Variants in GCKR observed in about 807,000 individuals in gnomAD.
GCKR encodes glucokinase regulator, also known as glucokinase regulatory protein.
A neutral mutation model predicts 82.9 loss-of-function variants in GCKR; 73 were observed. That is an observed-to-expected ratio of 0.88 (90% CI 0.73 to 1.07). GCKR has a LOEUF of 1.07. GCKR is among the 50% of genes least tolerant of loss of function. The probability of loss-of-function intolerance (pLI) is 0.00; values close to 1 mark genes in which losing one functional copy is unlikely to be tolerated. For missense variants in GCKR, 784 were observed against 782.1 expected (o/e 1.00, Z -0.03); for synonymous variants, 294 against 291.8 (o/e 1.01, Z -0.08).
intron 8 of GCKR, 28 bp downstream of exon 8, chr2:27,501,257 C>T (rs201611045): frequency 3.3e-4 from 474 of 1,453,982 alleles, no homozygotes; most frequent in Non-Finnish European, 4.3e-4. Context: ...ACTGGGCAGC[C>T]CTGGGGCAGG....
chr2:27,501,499 G>A (rs1301185214), intron 8 of GCKR, among the ~76,000 whole-genome samples: 1 of 152,214 alleles, frequency 6.6e-6, no homozygotes, highest in African/African-American at 2.4e-5. Context: ...GGATTGAAGA[G>A]GCAAGAGAAA....
At chr2:27,502,525 C>G (rs1051278959) in intron 8 of GCKR, among the ~76,000 whole-genome samples, 4 of 152,190 alleles carry the variant, frequency 2.6e-5, no homozygotes, top group African/African-American at 9.6e-5. Flanking sequence ...AACAAAACTC[C>G]CCAGATGATT....
rs1309712817 is a variant in GCKR, at chr2:27,497,318, T to C, written c.135T>C (p.Asp45=). 2 of 1,614,180 alleles carry C rather than the reference T, an allele frequency of 1.2e-6. No individual in the cohort carries two copies. Among genetic ancestry groups the C allele is most frequent in the East Asian group, 4.5e-5 (2 of 44,876 alleles). ...TGACCCAGGATCTAGACAAAGCAGATGCTGAGAACATTGTTCGACTGCTAG... is the reference window on the plus strand; with the variant it reads ...TGACCCAGGATCTAGACAAAGCAGACGCTGAGAACATTGTTCGACTGCTAG... ...NPLTQDLDKA[D]AENIVRLLGQ... The change falls in exon 2 of 19, where the codon GAT becomes GAC. Residue 45 remains aspartate (D), a synonymous_variant. Transcript: ENST00000264717.
chr2:27,519,527 C>T (rs961060279), intron 17 of GCKR, among the ~76,000 whole-genome samples: 3 of 152,128 alleles, frequency 2.0e-5, no homozygotes, highest in African/African-American at 7.2e-5. Flanking sequence ...GTCTCGAACT[C>T]CTGACCTCAG....
chr2:27,521,727 AT>A (rs968921484), intron 17 of GCKR, among the ~76,000 whole-genome samples: 5 of 148,932 alleles, frequency 3.4e-5, no homozygotes, highest in Admixed American at 1.3e-4. Flanking sequence ...CTTTATTTTT[AT>A]TTTTTTTAGA....
At position 27,507,737 on chromosome 2, in the gene GCKR, C is replaced by T. The variant is rs748624336; in HGVS notation, c.1200C>T (p.Leu400=). The change falls in exon 14 of 19, where the codon CTC becomes CTT. Residue 400 remains leucine, a synonymous_variant. Transcript: ENST00000264717. The part of the protein sequence containing the change: ...EDFLTSILPS[L]TEIDTVVFIF... ...TCCTGACTTCCATCCTTCCCTCTCT[C>T]ACGGAAATCGATACTGTGGTCTTCA... The T allele has an allele frequency of 4.1e-5, 66 of 1,609,198 alleles. No individual in the cohort carries two copies. In the South Asian group the frequency reaches 6.2e-4, roughly 15 times the overall value.
intron 4 of GCKR, 47 bp from the exon 5 acceptor site, chr2:27,498,677 G>T (rs1195140899): frequency 3.5e-6 from 4 of 1,158,806 alleles, no homozygotes; most frequent in African/African-American, 1.5e-5. Context: ...CAAGATAATT[G>T]TTTCTTCTCT....
chr2:27,505,681 C>T (rs758034019), intron 9 of GCKR, 37 bp from the exon 10 acceptor site: 2 of 1,137,320 alleles, frequency 1.8e-6, no homozygotes, highest in Non-Finnish European at 2.7e-6. Flanking sequence ...GGTCTTCATC[C>T]TCTCCCAATT....
At chr2:27,519,016 T>G (rs1670084860) in intron 17 of GCKR, 79 bp downstream of exon 17, 2 of 1,303,862 alleles carry the variant, frequency 1.5e-6, no homozygotes, top group Non-Finnish European at 2.2e-6. Context: ...TTTGTAGAGA[T>G]ATGGAAATGT....
At chr2:27,507,817 G>A (rs756575809) in intron 14 of GCKR, 40 bp downstream of exon 14, 3 of 1,274,656 alleles carry the variant, frequency 2.4e-6, no homozygotes, top group South Asian at 1.2e-5. Context: ...TGGGGAGGGG[G>A]AAATAGAATG....
intron 7 of GCKR, among the ~76,000 whole-genome samples, 169 bp from the exon 8 acceptor site, chr2:27,500,966 A>T (rs1452186860): frequency 1.3e-5 from 2 of 152,242 alleles, no homozygotes; most frequent in Non-Finnish European, 2.9e-5. Context: ...CCCTTGAGGT[A>T]CTTGTTAAAA....
Position 27,523,608 on chromosome 2 carries a change from G to A in GCKR, c.*169G>A. 3.0e-6 allele frequency: 2 copies of A among 660,934 alleles called. No individual in the cohort carries two copies. The highest frequency in any genetic ancestry group is 4.0e-4 in the Middle Eastern group (1 of 2,472). 40.9% of individuals were successfully genotyped at this position (660,934 alleles called of 1,614,324 possible). A position where few individuals can be genotyped will look rare whatever the true frequency, so the allele number is the denominator to read the frequency against. On this transcript the variant is annotated 3_prime_UTR_variant, in exon 19 of 19. Coordinates refer to ENST00000264717, the MANE Select transcript of GCKR (RefSeq NM_001486.4). ...CTCTCCACTTTGGGGGAGAGTTCTT[G>A]CTCTCGACCTAGTGGTTTCTACTCT... is the stretch of plus-strand genomic sequence containing the variant.
chr2:27,507,538 G>T, intron 13 of GCKR, 143 bp from the exon 14 acceptor site: 1 of 695,146 alleles, frequency 1.4e-6, no homozygotes. Flanking sequence ...CATAATCTTG[G>T]GCAAAACACT....
Position 27,506,494 on chromosome 2 carries a change from A to G in GCKR, c.883A>G (p.Ile295Val). ...IAASQRCLLEILRTFERAHQV... is the reference protein window; with the variant it reads ...IAASQRCLLEVLRTFERAHQV... ...CTTTTCTCCCAGATGCCTCCTGGAA[A>G]TCTTGCGGACATTTGAGCGAGCTCA... Residue 295 changes from isoleucine (I) to valine (V), a missense_variant, in exon 11 of 19, where the codon ATC becomes GTC. Transcript: ENST00000264717. 6.2e-7 allele frequency: 1 copy of G among 1,613,630 alleles called. No homozygotes were observed. Among genetic ancestry groups the G allele is most frequent in the Non-Finnish European group, 8.5e-7 (1 of 1,179,566 alleles).
At chr2:27,501,915 A>G (rs1174360493) in intron 8 of GCKR, 6 of 345,442 alleles carry the variant, frequency 1.7e-5, no homozygotes, top group Non-Finnish European at 2.9e-5. Flanking sequence ...CTTGTGTAAG[A>G]GGTCTGATTT....
chr2:27,506,553 C>A lies in GCKR; in HGVS notation c.942C>A (p.Ala314=). The A allele has an allele frequency of 6.2e-7, 1 of 1,612,600 alleles. No homozygotes were observed. The highest frequency in any genetic ancestry group is 8.5e-7 in the Non-Finnish European group (1 of 1,178,632). Residue 314 remains alanine, a synonymous_variant, in exon 11 of 19, where the codon GCC becomes GCA. Coordinates refer to ENST00000264717, the MANE Select transcript of GCKR (RefSeq NM_001486.4). ...QVTYSQSPKI[A]TLMKSVSTSL... is the part of the protein sequence containing the mutation. ...CCTACAGCCAAAGCCCCAAGATTGCCACCCTGATGAAGAGTGTCAGCACCA... is the reference window on the plus strand; with the variant it reads ...CCTACAGCCAAAGCCCCAAGATTGCAACCCTGATGAAGAGTGTCAGCACCA...
intron 16 of GCKR, 150 bp from the exon 17 acceptor site, chr2:27,518,638 T>C: frequency 1.4e-6 from 1 of 739,898 alleles, no homozygotes; most frequent in Non-Finnish European, 2.4e-6. Context: ...TGCCCTAACA[T>C]TTAAACGCTG....
intron 16 of GCKR, among the ~76,000 whole-genome samples, chr2:27,511,470 G>A (rs995184194): frequency 7.9e-5 from 12 of 151,832 alleles, no homozygotes; most frequent in Non-Finnish European, 1.8e-4. Flanking sequence ...GCCAAGGCGG[G>A]CAGGTCACCT....
Position 27,506,484 on chromosome 2 carries a change from C to T in GCKR, c.873C>T (p.Cys291=). The part of the protein sequence containing the change: ...VDQGIAASQR[C]LLEILRTFER... ...GAGCTGGTGGCTTTTCTCCCAGATG[C>T]CTCCTGGAAATCTTGCGGACATTTG... The change falls in exon 11 of 19, where the codon TGC becomes TGT. Residue 291 remains cysteine (C), a synonymous_variant. Transcript: ENST00000264717. The T allele has an allele frequency of 1.2e-6, 2 of 1,611,358 alleles. No individual in the cohort carries two copies. The highest frequency in any genetic ancestry group is 2.2e-5 in the South Asian group (2 of 91,036).
Sources: gnomAD v4.1 joint callset for allele counts (sites outside exome capture counted in the v4.1 genomes callset) on GRCh38, gnomAD v4.1.1 for gene constraint, MANE v1.5 for transcripts, NCBI Gene and HGNC (gene_info 2026-07-23, HGNC 2026-07-21) for gene names.